The following TUSC3 variants were observed in gnomAD, a reference collection of about 807,000 sequenced individuals.
TUSC3 encodes dolichyl-diphosphooligosaccharide--protein glycosyltransferase subunit TUSC3.
A neutral mutation model predicts 44.8 loss-of-function variants in TUSC3; 45 were observed. The ratio of observed to expected loss-of-function variants is 1.00; its 90% CI spans 0.79 to 1.29. TUSC3 has a LOEUF of 1.29. TUSC3 is among the 50% of genes most tolerant of loss of function. The probability of loss-of-function intolerance (pLI) is 0.00; values close to 1 mark genes in which losing one functional copy is unlikely to be tolerated. For synonymous variants in TUSC3, 212 were observed against 152.9 expected (o/e 1.39, Z -2.85); for missense variants, 519 against 437.9 (o/e 1.19, Z -1.65).
At chr8:15,649,186 A>G (rs1806772646) in intron 2 of TUSC3, among the ~76,000 whole-genome samples, 1 of 152,160 alleles carries the variant, frequency 6.6e-6, no homozygotes, top group Non-Finnish European at 1.5e-5. Context: ...TTAAGAAATC[A>G]CATAAGGTTT....
intron 2 of TUSC3, among the ~76,000 whole-genome samples, chr8:15,505,644 T>G (rs1801041905): frequency 6.6e-6 from 1 of 152,222 alleles, no homozygotes; most frequent in Non-Finnish European, 1.5e-5. Context: ...CTGGAGAATC[T>G]GATTCAGCAG....
At chr8:15,813,608 T>G in the TUSC3 span, among the ~76,000 whole-genome samples, 2 of 152,196 alleles carry the variant, frequency 1.3e-5, no homozygotes, top group Non-Finnish European at 2.9e-5. Flanking sequence ...ATGTTAAGAA[T>G]GTATATGATT....
chr8:15,784,716 A>C, the TUSC3 span, among the ~76,000 whole-genome samples: 1 of 152,130 alleles, frequency 6.6e-6, no homozygotes, highest in Admixed American at 6.5e-5. Flanking sequence ...GAAGAGTCAA[A>C]CCCATCGAAG....
chr8:15,815,913 A>C, the TUSC3 span, among the ~76,000 whole-genome samples: 2 of 152,318 alleles, frequency 1.3e-5, no homozygotes, highest in African/African-American at 4.8e-5. Flanking sequence ...ATACAGTAGA[A>C]GTTCTCTGTA....
the TUSC3 span, among the ~76,000 whole-genome samples, chr8:15,772,869 C>G: frequency 1.8e-4 from 28 of 152,136 alleles, no homozygotes; most frequent in South Asian, 1.0e-3. Context: ...ATCAGTGTAA[C>G]ACACCACATG....
At chr8:15,594,497 CT>C (rs1424562601) in intron 1 of TUSC3, among the ~76,000 whole-genome samples, 7 of 152,098 alleles carry the variant, frequency 4.6e-5, no homozygotes, top group Non-Finnish European at 8.8e-5. Context: ...TTTTGTCTTC[CT>C]GTGACTATCA....
Position 15,659,582 on chromosome 8 carries a change from C to G in TUSC3, c.502C>G (p.Leu168Val), listed in dbSNP as rs1279891054. 12 of 1,613,486 alleles carry G rather than the reference C, an allele frequency of 7.4e-6. No individual in the cohort carries two copies. The South Asian group carries it at 1.3e-4, about 18-fold the overall frequency. ...GRPKRADTFDLQRIGFAAEQL... is the reference protein window; with the variant it reads ...GRPKRADTFDVQRIGFAAEQL... ...ACCTAAGAGAGCTGATACTTTTGAC[C>G]TCCAAAGAATTGGATTTGCAGCTGA... Residue 168 changes from leucine (L) to valine (V), a missense_variant, in exon 4 of 11, where the codon CTC (leucine) becomes GTC (valine). Leu to Val is a conservative substitution (Grantham distance 32). Coordinates refer to ENST00000503731, the MANE Select transcript of TUSC3 (RefSeq NM_006765.4).
the TUSC3 span, among the ~76,000 whole-genome samples, chr8:15,844,906 C>A: frequency 6.6e-6 from 1 of 151,914 alleles, no homozygotes; most frequent in African/African-American, 2.4e-5. Flanking sequence ...CTGAGATGAT[C>A]GTGAGTGGTC....
At position 15,575,866 on chromosome 8, in the gene TUSC3, A is replaced by G. The variant is rs112159928; in HGVS notation, c.138+35298A>G. On this transcript the variant is annotated intron_variant, in intron 1 of 10. Coordinates refer to ENST00000503731, the MANE Select transcript of TUSC3 (RefSeq NM_006765.4). ...AATTATACATGTTTAGGCTTTAAAAATTGCTTCCATGCCCAAGATTGAAAT... is the reference window on the plus strand; with the variant it reads ...AATTATACATGTTTAGGCTTTAAAAGTTGCTTCCATGCCCAAGATTGAAAT... 5.5e-3 allele frequency among the ~76,000 whole-genome samples: 834 copies of G among 152,264 alleles called. 10 individuals carry two copies. Among genetic ancestry groups the G allele is most frequent in the African/African-American group, 0.019 (806 of 41,548 alleles).
chr8:15,793,682 C>T, the TUSC3 span, among the ~76,000 whole-genome samples: 1 of 152,120 alleles, frequency 6.6e-6, no homozygotes, highest in Non-Finnish European at 1.5e-5. Context: ...ATATAAGTTC[C>T]ATGAGGGCAG....
At chr8:15,468,793 CTG>C (rs2129122721) in intron 1 of TUSC3, among the ~76,000 whole-genome samples, 1 of 152,196 alleles carries the variant, frequency 6.6e-6, no homozygotes, top group African/African-American at 2.4e-5. Context: ...GGATTCCTCT[CTG>C]TCTTGAATAT....
At chr8:15,762,038 G>T (rs992878366) in intron 10 of TUSC3, among the ~76,000 whole-genome samples, 1 of 151,704 alleles carries the variant, frequency 6.6e-6, no homozygotes, top group Non-Finnish European at 1.5e-5. Context: ...ACATACTTTG[G>T]AAATTTAATA....
intron 1 of TUSC3, among the ~76,000 whole-genome samples, chr8:15,552,405 T>C (rs770653859): frequency 6.6e-6 from 1 of 151,728 alleles, no homozygotes; most frequent in African/African-American, 2.4e-5. Flanking sequence ...TGCTCATAGT[T>C]CAGTGGGAGA....
intron 6 of TUSC3, among the ~76,000 whole-genome samples, chr8:15,687,417 G>T (rs1454717533): frequency 6.6e-6 from 1 of 152,154 alleles, no homozygotes; most frequent in Non-Finnish European, 1.5e-5. Flanking sequence ...CTGTGACACT[G>T]CATCTGATGT....
At chr8:15,616,829 G>A (rs1309945105) in intron 1 of TUSC3, among the ~76,000 whole-genome samples, 1 of 152,020 alleles carries the variant, frequency 6.6e-6, no homozygotes, top group African/African-American at 2.4e-5. Context: ...TCCAGATGTC[G>A]ATTTCCAAGT....
At chr8:15,830,450 A>G in the TUSC3 span, among the ~76,000 whole-genome samples, 16,065 of 152,226 alleles carry the variant, frequency 0.11, 959 homozygotes, top group East Asian at 0.25. Flanking sequence ...CCAAAAAGAC[A>G]CCTGCACTTG....
At chr8:15,810,354 A>T in the TUSC3 span, among the ~76,000 whole-genome samples, 1 of 152,298 alleles carries the variant, frequency 6.6e-6, no homozygotes, top group South Asian at 2.1e-4. Context: ...GAAGAAAATC[A>T]AGGCCAGGAA....
At chr8:15,736,703 T>C (rs1810952591) in intron 7 of TUSC3, among the ~76,000 whole-genome samples, 1 of 152,184 alleles carries the variant, frequency 6.6e-6, no homozygotes, top group Non-Finnish European at 1.5e-5. Context: ...ATGATTTTAC[T>C]GTCCTAACTA....
At chr8:15,573,218 A>ATATG (rs1294906555) in intron 1 of TUSC3, among the ~76,000 whole-genome samples, 120 of 139,442 alleles carry the variant, frequency 8.6e-4, no homozygotes, top group Non-Finnish European at 1.3e-3. Context: ...ATATATATAT[A>ATATG]TATATATATA....
Sources: gnomAD v4.1 joint callset for allele counts (sites outside exome capture counted in the v4.1 genomes callset) on GRCh38, gnomAD v4.1.1 for gene constraint, MANE v1.5 for transcripts, NCBI Gene and HGNC (gene_info 2026-07-23, HGNC 2026-07-21) for gene names.